The following ABLIM2 variants were observed in gnomAD, a reference collection of about 807,000 sequenced individuals.
The protein encoded by ABLIM2 is actin binding LIM protein family member 2.
ABLIM2 carries 53 observed loss-of-function variants against 97.7 expected under a neutral mutation model. That is an observed-to-expected ratio of 0.54 (90% CI 0.44 to 0.68). The LOEUF (loss-of-function observed/expected upper bound fraction) is 0.68, where lower values mean the gene tolerates loss of function less well. Among genes scored for constraint, ABLIM2 ranks in the 30% least tolerant of loss-of-function variants. The pLI, the probability that ABLIM2 is intolerant of heterozygous loss-of-function variation, is 0.00. For missense variants in ABLIM2, 835 were observed against 867.2 expected, an observed-to-expected ratio of 0.96 and a Z score of 0.47; for synonymous variants, 361 against 345.8, an observed-to-expected ratio of 1.04 and a Z score of -0.49.
intron 1 of ABLIM2, among the ~76,000 whole-genome samples, chr4:8,109,571 C>T (rs921443463): frequency 1.3e-5 from 2 of 152,158 alleles, no homozygotes; most frequent in African/African-American, 2.4e-5. Flanking sequence ...GATCTGGCCA[C>T]CCATCCTCGC....
rs1774382021 is a variant in ABLIM2 at position 8,022,458 on chromosome 4, G to C, written c.1268-2155C>G. Among the ~76,000 whole-genome samples, 1 of 152,238 alleles carries C rather than the reference G, an allele frequency of 6.6e-6. No homozygotes were observed. Among genetic ancestry groups the C allele is most frequent in the African/African-American group, 2.4e-5 (1 of 41,464 alleles). On this transcript the variant is annotated intron_variant, in intron 12 of 20. Transcript: ENST00000447017. This position sits in a 1 kb window ranked among gnomAD's most constrained non-coding sequence, Gnocchi z 7.8. ...TTTCATCAGATACTTGGAGGGGCCT[G>C]AGGCCGCAGGGAAGCTGGGGACACA...
In ABLIM2 at chr4:8,070,020, G is replaced by A. The variant is rs947261752; in HGVS notation, c.675+7608C>T. ...GATCTGTGTGTCCTTTTGTGTGTTT[G>A]TGTGTGTCTATGTGCTTTGTGTGTG... On this transcript the variant is annotated intron_variant, in intron 6 of 20. Transcript: ENST00000447017. 1.1e-4 allele frequency among the ~76,000 whole-genome samples: 16 copies of A among 152,036 alleles called. No individual in the cohort carries two copies. In the East Asian group the frequency reaches 3.1e-3, roughly 29 times the overall value.
Position 8,061,814 on chromosome 4 carries a change from A to G in ABLIM2, c.676-760T>C, listed in dbSNP as rs1477005900. Among the ~76,000 whole-genome samples, 2 of 151,956 alleles carry G rather than the reference A, an allele frequency of 1.3e-5. No homozygotes were observed. The highest frequency in any genetic ancestry group is 2.4e-5 in the African/African-American group (1 of 41,374). Reference sequence around the variant, plus strand: ...AACGGGAAGAAGTTTCCTAATCCCTACCTACATCTGAATTTATAATAACCA... The same window carrying G: ...AACGGGAAGAAGTTTCCTAATCCCTGCCTACATCTGAATTTATAATAACCA... On this transcript the variant is annotated intron_variant, in intron 6 of 20. Transcript: ENST00000447017. The surrounding 1 kb of genome is among the most constrained non-coding windows in gnomAD (Gnocchi z 4.5).
At chr4:8,031,697 G>A (rs912899598) in intron 10 of ABLIM2, among the ~76,000 whole-genome samples, 1 of 151,944 alleles carries the variant, frequency 6.6e-6, no homozygotes, top group Non-Finnish European at 1.5e-5. Context: ...TTGCCTCTGG[G>A]TGTCGTGGTG....
Position 8,147,643 on chromosome 4 carries a change from G to A in ABLIM2, c.10+11037C>T, listed in dbSNP as rs139090138. Among the ~76,000 whole-genome samples the A allele has an allele frequency of 6.6e-5, 10 of 152,286 alleles. No individual in the cohort carries two copies. The East Asian group carries it at 9.6e-4, about 15-fold the overall frequency. Reference sequence around the variant, plus strand: ...ACTCTGCCTTGAAGATTGGAGCAACGTGGCCACAAACCTCAGAATCTGGCA... The same window carrying A: ...ACTCTGCCTTGAAGATTGGAGCAACATGGCCACAAACCTCAGAATCTGGCA... On this transcript the variant is annotated intron_variant, in intron 1 of 20. Transcript: ENST00000447017. This position sits in a 1 kb window ranked among gnomAD's most constrained non-coding sequence, Gnocchi z 5.3.
Position 8,019,935 on chromosome 4 carries a change from CT to C in ABLIM2, c.1370-265del, listed in dbSNP as rs1478104816. On this transcript the variant is annotated intron_variant, in intron 13 of 20. Transcript: ENST00000447017. This position sits in a 1 kb window ranked among gnomAD's most constrained non-coding sequence, Gnocchi z 4.3. ...GGAAGTGTAGCCAGCTCAGACAGCC[CT>C]TTTCCTTCACCCCATTCCCAGGAGG... 1.3e-5 allele frequency among the ~76,000 whole-genome samples: 2 copies of C among 152,168 alleles called. No individual in the cohort carries two copies. Among genetic ancestry groups the C allele is most frequent in the East Asian group, 3.9e-4 (2 of 5,192 alleles).
rs1840965335 is a variant in ABLIM2, at chr4:8,112,745, G to A, written c.11-6108C>T. 6.6e-6 allele frequency among the ~76,000 whole-genome samples: 1 copy of A among 152,156 alleles called. No homozygotes were observed. Among genetic ancestry groups the A allele is most frequent in the South Asian group, 2.1e-4 (1 of 4,822 alleles). On this transcript the variant is annotated intron_variant, in intron 1 of 20. Coordinates refer to ENST00000447017, the MANE Select transcript of ABLIM2 (RefSeq NM_001130083.2). The surrounding 1 kb of genome is among the most constrained non-coding windows in gnomAD (Gnocchi z 4.2). ...TTCCATACCATGCCCCACAGGAATG[G>A]TCAGTCATCCTCATCTCACGGATGA... is the stretch of plus-strand genomic sequence containing the variant.
Position 8,033,464 on chromosome 4 carries a change from G to A in ABLIM2, c.1047+2685C>T, listed in dbSNP as rs1782276524. 6.6e-6 allele frequency among the ~76,000 whole-genome samples: 1 copy of A among 152,224 alleles called. No homozygotes were observed. The highest frequency in any genetic ancestry group is 1.5e-5 in the Non-Finnish European group (1 of 68,034). On this transcript the variant is annotated intron_variant, in intron 10 of 20. Transcript: ENST00000447017. This position sits in a 1 kb window ranked among gnomAD's most constrained non-coding sequence, Gnocchi z 4.5. ...GATGGAATCAAGGGAGAAACCCTCA[G>A]GCTGCTCCCGGCCATCGGCATAGAG...
intron 20 of ABLIM2, 61 bp from the exon 21 acceptor site, chr4:7,967,164 G>T: frequency 7.1e-7 from 1 of 1,418,024 alleles, no homozygotes; most frequent in Non-Finnish European, 9.9e-7. Context: ...GACACCATTG[G>T]GCAGTTTGCT....
At chr4:8,103,983 C>A (rs967620358) in intron 2 of ABLIM2, among the ~76,000 whole-genome samples, 2 of 152,204 alleles carry the variant, frequency 1.3e-5, no homozygotes, top group African/African-American at 4.8e-5. Context: ...TCAGGGAGAG[C>A]TGAAAAAATT....
In ABLIM2 at chr4:8,080,796, C is replaced by T; in HGVS notation, c.461G>A (p.Gly154Glu). 1.4e-5 allele frequency: 23 copies of T among 1,606,642 alleles called. No individual in the cohort carries two copies. The highest frequency in any genetic ancestry group is 2.0e-5 in the Non-Finnish European group (23 of 1,175,464). ...ATTCTTGATTTCTGTGCCGCAGCCC[C>T]CACAACCTGGAAGAAAGAGAAGAGA... Reference protein sequence around the residue: ...AHLSQGLRSCGGCGTEIKNGQ... With the variant: ...AHLSQGLRSCEGCGTEIKNGQ... Residue 154 changes from glycine to glutamate, a missense_variant, in exon 5 of 21, where the codon GGG (glycine) becomes GAG (glutamate). By Grantham distance (98) the Gly-to-Glu change is moderately conservative (BLOSUM62 -2). Coordinates refer to ENST00000447017, the MANE Select transcript of ABLIM2 (RefSeq NM_001130083.2).
At chr4:8,142,075 G>A (rs1430660295) in intron 1 of ABLIM2, among the ~76,000 whole-genome samples, 1 of 152,212 alleles carries the variant, frequency 6.6e-6, no homozygotes, top group Non-Finnish European at 1.5e-5. Flanking sequence ...CTCTAGTGGC[G>A]CAGCTGTTCG....
rs1281061599 is a variant in ABLIM2, at chr4:8,140,750, C to T, written c.10+17930G>A. Among the ~76,000 whole-genome samples the T allele has an allele frequency of 6.6e-6, 1 of 152,066 alleles. No individual in the cohort carries two copies. The highest frequency in any genetic ancestry group is 1.9e-4 in the East Asian group (1 of 5,190). On this transcript the variant is annotated intron_variant, in intron 1 of 20. Coordinates refer to ENST00000447017, the MANE Select transcript of ABLIM2 (RefSeq NM_001130083.2). The surrounding 1 kb of genome is among the most constrained non-coding windows in gnomAD (Gnocchi z 5.9). ...GCCAGCAGAGAGTAGCACCCAGACA[C>T]ATGTGGAAGGAGGGAAAGGGCTGAC...
At chr4:7,969,751 A>ACACACACACACACACACACC (rs1726201090) in intron 20 of ABLIM2, among the ~76,000 whole-genome samples, 1 of 151,710 alleles carries the variant, frequency 6.6e-6, no homozygotes, top group African/African-American at 2.4e-5. Context: ...ACACACACAC[A>ACACACACACACACACACACC]CACACACACA....
Position 8,120,039 on chromosome 4 carries a change from A to G in ABLIM2, c.11-13402T>C, listed in dbSNP as rs183447098. Among the ~76,000 whole-genome samples the G allele has an allele frequency of 6.6e-6, 1 of 152,288 alleles. No homozygotes were observed. The highest frequency in any genetic ancestry group is 2.1e-4 in the South Asian group (1 of 4,818). ...GAGGACAAAGTCACTCTTGGCCACA[A>G]ATAGGCTCTGTTCACAGAGCGACAG... On this transcript the variant is annotated intron_variant, in intron 1 of 20. Transcript: ENST00000447017. This position sits in a 1 kb window ranked among gnomAD's most constrained non-coding sequence, Gnocchi z 5.6.
Position 8,132,582 on chromosome 4 carries a change from C to T in ABLIM2, c.11-25945G>A, listed in dbSNP as rs1039210440. ...CACCTCACGGTCAGAAAACAGAATG[C>T]GGAAGGCCTGCTCACTGCCACCCTC... On this transcript the variant is annotated intron_variant, in intron 1 of 20. Coordinates refer to ENST00000447017, the MANE Select transcript of ABLIM2 (RefSeq NM_001130083.2). The surrounding 1 kb of genome is among the most constrained non-coding windows in gnomAD (Gnocchi z 8.0). Among the ~76,000 whole-genome samples the T allele has an allele frequency of 1.3e-4, 20 of 152,062 alleles. No homozygotes were observed. The highest frequency in any genetic ancestry group is 2.4e-4 in the Non-Finnish European group (16 of 67,988).
At position 8,155,580 on chromosome 4, in the gene ABLIM2, G is replaced by A. The variant is rs1715040527; in HGVS notation, c.10+3100C>T. Among the ~76,000 whole-genome samples, 1 of 152,192 alleles carries A rather than the reference G, an allele frequency of 6.6e-6. No homozygotes were observed. Among genetic ancestry groups the A allele is most frequent in the Non-Finnish European group, 1.5e-5 (1 of 68,032 alleles). On this transcript the variant is annotated intron_variant, in intron 1 of 20. Coordinates refer to ENST00000447017, the MANE Select transcript of ABLIM2 (RefSeq NM_001130083.2). The surrounding 1 kb of genome is among the most constrained non-coding windows in gnomAD (Gnocchi z 4.2). Reference sequence around the variant, plus strand: ...TGGCCCCGCACCCCTGTTATGGACTGAATTGTCTAAATTCATATGCTGAAG... The same window carrying A: ...TGGCCCCGCACCCCTGTTATGGACTAAATTGTCTAAATTCATATGCTGAAG...
Position 8,008,942 on chromosome 4 carries a change from G to A in ABLIM2, c.1476+108C>T, listed in dbSNP as rs547919240. On this transcript the variant is annotated intron_variant, in intron 15 of 20. Coordinates refer to ENST00000447017, the MANE Select transcript of ABLIM2 (RefSeq NM_001130083.2). ...CCTTTGGCCTCGCAGGGCCCCTAAG[G>A]AACAGAATGTAAGAGGAAGATTCGA... 155 of 1,370,700 alleles carry A rather than the reference G, an allele frequency of 1.1e-4. No homozygotes were observed. In the African/African-American group the frequency reaches 2.0e-3, roughly 17 times the overall value. The allele number at this position is 1,370,700 out of a possible 1,614,324, so 84.9% of individuals were successfully genotyped here.
chr4:7,979,304 C>T (rs1432455656), intron 20 of ABLIM2, among the ~76,000 whole-genome samples: 3 of 152,334 alleles, frequency 2.0e-5, no homozygotes, highest in East Asian at 3.9e-4. Context: ...GAGGACTGAC[C>T]GCACTGACTG....
Sources: gnomAD v4.1 joint callset for allele counts (sites outside exome capture counted in the v4.1 genomes callset) on GRCh38, gnomAD v4.1.1 for gene constraint, Gnocchi (gnomAD v3.1) non-coding constraint, MANE v1.5 for transcripts, NCBI Gene and HGNC (gene_info 2026-07-23, HGNC 2026-07-21) for gene names.